GRM1: variants seen among roughly 807,000 people sequenced by gnomAD.
GRM1 encodes glutamate metabotropic receptor 1.
Under a neutral mutation model 90.9 loss-of-function variants are expected in GRM1, and 33 were observed. That is an observed-to-expected ratio of 0.36 (90% CI 0.28 to 0.49). GRM1 has a LOEUF of 0.49. GRM1 is among the 20% of genes least tolerant of loss of function. The pLI is 0.99. For synonymous variants in GRM1, 700 were observed against 613.2 expected (o/e 1.14, Z -2.09); for missense variants, 1,190 against 1,534.3 (o/e 0.78, Z 3.75).
At chr6:146,251,006 A>G (rs985637686) in intron 2 of GRM1, among the ~76,000 whole-genome samples, 1 of 152,216 alleles carries the variant, frequency 6.6e-6, no homozygotes, top group African/African-American at 2.4e-5. Flanking sequence ...TTTAGTTTTC[A>G]GTCCAGATGC....
chr6:146,109,921 G>T (rs1775491071), intron 1 of GRM1, among the ~76,000 whole-genome samples: 1 of 152,180 alleles, frequency 6.6e-6, no homozygotes, highest in Admixed American at 6.5e-5. Context: ...TAGCCCCTTG[G>T]TTTTGGCCAA....
chr6:146,430,800 T>C (rs1447601716), intron 7 of GRM1, among the ~76,000 whole-genome samples: 2 of 152,200 alleles, frequency 1.3e-5, no homozygotes, highest in African/African-American at 4.8e-5. Flanking sequence ...TTACTAAATA[T>C]ACCTCTCTTC....
At chr6:146,360,437 C>T (rs1438704665) in intron 5 of GRM1, among the ~76,000 whole-genome samples, 3 of 151,876 alleles carry the variant, frequency 2.0e-5, no homozygotes, top group South Asian at 4.2e-4. Context: ...AGGGTCCACT[C>T]AGGAAAAAAA....
At position 146,124,308 on chromosome 6, in the gene GRM1, C is replaced by G. The variant is rs572446007; in HGVS notation, c.701-35040C>G. 2.0e-5 allele frequency among the ~76,000 whole-genome samples: 3 copies of G among 152,276 alleles called. No homozygotes were observed. In the South Asian group the frequency reaches 6.2e-4, roughly 32 times the overall value. On this transcript the variant is annotated intron_variant, in intron 1 of 7. Transcript: ENST00000282753. The stretch of plus-strand genomic sequence containing the variant: ...ACTAAGTTTTATGGTTTAGTAATTT[C>G]AATCAGGACTAGTTCTATATAATAA...
intron 5 of GRM1, among the ~76,000 whole-genome samples, chr6:146,373,753 A>G (rs1775991181): frequency 6.6e-6 from 1 of 152,170 alleles, no homozygotes; most frequent in Non-Finnish European, 1.5e-5. Flanking sequence ...AAGTTCTAAT[A>G]GTTTTATTGT....
At chr6:146,424,828 G>C (rs1778138542) in intron 7 of GRM1, among the ~76,000 whole-genome samples, 2 of 152,316 alleles carry the variant, frequency 1.3e-5, no homozygotes, top group East Asian at 3.9e-4. Flanking sequence ...TCTTTCATGA[G>C]AAATAAAGTT....
intron 2 of GRM1, among the ~76,000 whole-genome samples, chr6:146,247,396 A>T (rs1034114742): frequency 3.3e-5 from 5 of 152,178 alleles, no homozygotes; most frequent in Admixed American, 1.3e-4. Flanking sequence ...AGGCAAGTGA[A>T]ACAACTTGAA....
intron 1 of GRM1, among the ~76,000 whole-genome samples, chr6:146,121,778 T>A (rs563856078): frequency 5.9e-5 from 9 of 152,372 alleles, no homozygotes; most frequent in African/African-American, 2.2e-4. Context: ...CTAGTTTGAT[T>A]GCACTGTGGT....
rs541123862 is a variant in GRM1, at chr6:146,181,228, C to T, written c.950+21631C>T. On this transcript the variant is annotated intron_variant, in intron 2 of 7. Coordinates refer to ENST00000282753, the MANE Select transcript of GRM1 (RefSeq NM_001278064.2). ...GGAAACTTGAAATGTTCACACATAA[C>T]TTGCCACCTTTAAAAAAAAAACAAA... Among the ~76,000 whole-genome samples, 261 of 143,214 alleles carry T rather than the reference C, an allele frequency of 1.8e-3. 2 individuals carry two copies. The highest frequency in any genetic ancestry group is 7.0e-3 in the African/African-American group (238 of 33,914). The allele number at this position is 143,214 out of a possible 152,430, so 94.0% of individuals were successfully genotyped here. A position where few individuals can be genotyped will look rare whatever the true frequency, so the allele number is the denominator to read the frequency against.
At position 146,314,051 on chromosome 6, in the gene GRM1, C is replaced by CTTTTTTTTTTT. The variant is rs552986343; in HGVS notation, c.1186+9227_1186+9237dup. On this transcript the variant is annotated intron_variant, in intron 3 of 7. Transcript: ENST00000282753. ...CACTGTATATATCAATAGTTAATTC[C>CTTTTTTTTTTT]TTTTTTTTTTTTTTTTTTTTTTTTT... Among the ~76,000 whole-genome samples, 45 of 61,996 alleles carry CTTTTTTTTTTT rather than the reference C, an allele frequency of 7.3e-4. 10 individuals carry two copies. Among genetic ancestry groups the CTTTTTTTTTTT allele is most frequent in the East Asian group, 2.1e-3 (3 of 1,444 alleles). The allele number at this position is 61,996 out of a possible 152,430, so 40.7% of individuals were successfully genotyped here.
At chr6:146,334,101 A>G (rs1008267969) in intron 3 of GRM1, among the ~76,000 whole-genome samples, 4 of 151,946 alleles carry the variant, frequency 2.6e-5, no homozygotes, top group African/African-American at 9.7e-5. Flanking sequence ...TGCTGAACTT[A>G]TTTGCCTGTG....
chr6:146,112,339 A>G (rs1452710883), intron 1 of GRM1, among the ~76,000 whole-genome samples: 1 of 151,962 alleles, frequency 6.6e-6, no homozygotes, highest in East Asian at 1.9e-4. Flanking sequence ...GCATTTTGGA[A>G]AGGGACTATC....
At chr6:146,039,360 G>A (rs1277959080) in intron 1 of GRM1, among the ~76,000 whole-genome samples, 1 of 151,966 alleles carries the variant, frequency 6.6e-6, no homozygotes, top group Non-Finnish European at 1.5e-5. Flanking sequence ...AGCAAAATAT[G>A]CTCAGGGACC....
chr6:146,157,593 G>T (rs1340123361), intron 1 of GRM1, among the ~76,000 whole-genome samples: 4 of 152,112 alleles, frequency 2.6e-5, no homozygotes, highest in Non-Finnish European at 5.9e-5. Context: ...ACTCAAGAGG[G>T]ACAATGAGGT....
intron 1 of GRM1, among the ~76,000 whole-genome samples, chr6:146,073,101 A>C (rs923823365): frequency 6.6e-6 from 1 of 152,078 alleles, no homozygotes; most frequent in African/African-American, 2.4e-5. Flanking sequence ...ATTATCTATA[A>C]AGGAAATTGA....
At chr6:146,130,072 A>G (rs1776337688) in intron 1 of GRM1, among the ~76,000 whole-genome samples, 1 of 152,114 alleles carries the variant, frequency 6.6e-6, no homozygotes, top group African/African-American at 2.4e-5. Context: ...TTCATTGTAT[A>G]TTTAAGATGA....
At chr6:146,209,703 C>T (rs1164196264) in intron 2 of GRM1, among the ~76,000 whole-genome samples, 3 of 152,094 alleles carry the variant, frequency 2.0e-5, no homozygotes, top group African/African-American at 7.2e-5. Flanking sequence ...GATGTGATAT[C>T]AATTAATTAG....
intron 1 of GRM1, among the ~76,000 whole-genome samples, chr6:146,125,280 C>G (rs1315213421): frequency 6.6e-6 from 1 of 152,148 alleles, no homozygotes; most frequent in African/African-American, 2.4e-5. Context: ...TAAACATACA[C>G]AGGAAACATA....
intron 2 of GRM1, among the ~76,000 whole-genome samples, chr6:146,188,030 A>G (rs1186027444): frequency 6.6e-6 from 1 of 152,134 alleles, no homozygotes; most frequent in African/African-American, 2.4e-5. Flanking sequence ...ACTAAGGTTC[A>G]TTATGTTTAT....
Sources: gnomAD v4.1 joint callset for allele counts (sites outside exome capture counted in the v4.1 genomes callset) on GRCh38, gnomAD v4.1.1 for gene constraint, MANE v1.5 for transcripts, NCBI Gene and HGNC (gene_info 2026-07-23, HGNC 2026-07-21) for gene names.